Variants in CHCHD6 observed in about 807,000 individuals in gnomAD.
CHCHD6 encodes the protein coiled-coil-helix-coiled-coil-helix domain containing 6, also known as MICOS complex subunit MIC25.
CHCHD6 carries 28 observed loss-of-function variants against 32.3 expected under a neutral mutation model. The observed-to-expected ratio is 0.87, with a 90% CI of 0.64 to 1.19. The LOEUF (loss-of-function observed/expected upper bound fraction) is 1.19, where lower values mean the gene tolerates loss of function less well. Among genes scored for constraint, CHCHD6 ranks in the 50% most tolerant of loss-of-function variants. The pLI, the probability that CHCHD6 is intolerant of heterozygous loss-of-function variation, is 0.00. For missense variants in CHCHD6, 333 were observed against 307.0 expected (o/e 1.08, Z -0.63); for synonymous variants, 122 against 117.5 (o/e 1.04, Z -0.25).
chr3:126,886,441 G>A (rs1325188000), intron 5 of CHCHD6, among the ~76,000 whole-genome samples: 1 of 152,178 alleles, frequency 6.6e-6, no homozygotes, highest in Non-Finnish European at 1.5e-5. Context: ...ACTACTGCCG[G>A]TTATCACTCA....
intron 4 of CHCHD6, among the ~76,000 whole-genome samples, chr3:126,787,106 G>C (rs1396766852): frequency 3.9e-5 from 6 of 152,126 alleles, no homozygotes; most frequent in South Asian, 4.2e-4. Flanking sequence ...TCTTGTTTTT[G>C]TCAGGTTTGT....
rs1935762051 is a variant in CHCHD6, at chr3:126,730,771, A to G, written c.266+141A>G. On this transcript the variant is annotated intron_variant, in intron 3 of 7. Coordinates refer to ENST00000290913, the MANE Select transcript of CHCHD6 (RefSeq NM_032343.3). The stretch of plus-strand genomic sequence containing the variant: ...CTCAGTTGCATTGAAGGACAACCCT[A>G]TGGTATAGGTATCACTGGTCCTAGT... 9 of 642,570 alleles carry G rather than the reference A, an allele frequency of 1.4e-5. No individual in the cohort carries two copies. The South Asian group carries it at 1.5e-4, about 11-fold the overall frequency. 39.8% of individuals were successfully genotyped at this position (642,570 alleles called of 1,614,324 possible). A position where few individuals can be genotyped will look rare whatever the true frequency, so the allele number is the denominator to read the frequency against.
chr3:126,763,118 G>T (rs1254990995), intron 4 of CHCHD6, among the ~76,000 whole-genome samples: 1 of 152,080 alleles, frequency 6.6e-6, no homozygotes, highest in Admixed American at 6.6e-5. Context: ...TCTTTTGTAT[G>T]TAGTTGATTT....
intron 6 of CHCHD6, among the ~76,000 whole-genome samples, chr3:126,950,418 G>T (rs2078700108): frequency 6.6e-6 from 1 of 152,150 alleles, no homozygotes. Flanking sequence ...AGACTGCAAT[G>T]AAAATTGTCA....
intron 4 of CHCHD6, among the ~76,000 whole-genome samples, chr3:126,743,503 T>A (rs950824756): frequency 2.0e-5 from 3 of 152,182 alleles, no homozygotes; most frequent in Non-Finnish European, 4.4e-5. Context: ...TGTCACTGCT[T>A]CTAATTAGCA....
intron 4 of CHCHD6, among the ~76,000 whole-genome samples, chr3:126,779,059 A>C (rs1375604977): frequency 6.6e-6 from 1 of 151,958 alleles, no homozygotes; most frequent in Non-Finnish European, 1.5e-5. Flanking sequence ...AAAAGTTTTA[A>C]ATTTTGATGA....
At chr3:126,904,735 CT>C (rs1206276166) in intron 5 of CHCHD6, among the ~76,000 whole-genome samples, 1 of 152,200 alleles carries the variant, frequency 6.6e-6, no homozygotes, top group East Asian at 1.9e-4. Context: ...ATAGAGCGAT[CT>C]TTTCTCTGCC....
intron 4 of CHCHD6, among the ~76,000 whole-genome samples, chr3:126,810,051 G>T (rs868719014): frequency 6.6e-6 from 1 of 152,148 alleles, no homozygotes; most frequent in Non-Finnish European, 1.5e-5. Context: ...CTCATATACA[G>T]AGAGTTTAAG....
chr3:126,763,936 A>T (rs115204560), intron 4 of CHCHD6, among the ~76,000 whole-genome samples: 2 of 152,150 alleles, frequency 1.3e-5, no homozygotes, highest in Non-Finnish European at 2.9e-5. Flanking sequence ...CTGAAATTGT[A>T]TGCTTTACAA....
intron 5 of CHCHD6, among the ~76,000 whole-genome samples, chr3:126,864,899 C>A (rs770880005): frequency 2.0e-4 from 26 of 130,800 alleles, no homozygotes; most frequent in African/African-American, 8.2e-4. Flanking sequence ...ACCATCACCT[C>A]CTCCTCCACC....
At chr3:126,717,247 T>C in intron 1 of CHCHD6, among the ~76,000 whole-genome samples, 1 of 152,170 alleles carries the variant, frequency 6.6e-6, no homozygotes. Flanking sequence ...TGAAGGTTAA[T>C]CAGTAGGTAG....
At chr3:126,826,251 A>G (rs768484935) in intron 4 of CHCHD6, among the ~76,000 whole-genome samples, 2 of 152,154 alleles carry the variant, frequency 1.3e-5, no homozygotes, top group Non-Finnish European at 2.9e-5. Flanking sequence ...GGCTGATGTG[A>G]TGGGTGGAAA....
chr3:126,911,511 C>G (rs899406125), intron 5 of CHCHD6, among the ~76,000 whole-genome samples: 45 of 152,198 alleles, frequency 3.0e-4, no homozygotes, highest in African/African-American at 1.0e-3. Flanking sequence ...TGAGGACATC[C>G]GTCCCTGTAG....
At chr3:126,911,674 G>C (rs563947684) in intron 5 of CHCHD6, among the ~76,000 whole-genome samples, 1 of 152,224 alleles carries the variant, frequency 6.6e-6, no homozygotes, top group South Asian at 2.1e-4. Context: ...GTGACAAATC[G>C]AGTTGACCAC....
At chr3:126,780,849 C>T (rs377357323) in intron 4 of CHCHD6, among the ~76,000 whole-genome samples, 10 of 152,296 alleles carry the variant, frequency 6.6e-5, no homozygotes, top group African/African-American at 2.4e-4. Flanking sequence ...TGCAGGCAGA[C>T]GAATGCTGAT....
chr3:126,822,263 T>G (rs539382403), intron 4 of CHCHD6, among the ~76,000 whole-genome samples: 2 of 152,342 alleles, frequency 1.3e-5, no homozygotes, highest in African/African-American at 4.8e-5. Context: ...GGGGTCTAGT[T>G]TATTTCATTT....
intron 5 of CHCHD6, among the ~76,000 whole-genome samples, chr3:126,875,742 T>C (rs2077531985): frequency 6.6e-6 from 1 of 152,224 alleles, no homozygotes; most frequent in African/African-American, 2.4e-5. Context: ...TCGCAGTTTA[T>C]GCAGTGTGTT....
intron 5 of CHCHD6, among the ~76,000 whole-genome samples, chr3:126,879,231 G>T (rs571738255): frequency 6.6e-6 from 1 of 152,300 alleles, no homozygotes; most frequent in Non-Finnish European, 1.5e-5. Flanking sequence ...TCCAGGGAGA[G>T]AATACAGACC....
chr3:126,883,066 A>G (rs1422756742), intron 5 of CHCHD6, among the ~76,000 whole-genome samples: 1 of 152,352 alleles, frequency 6.6e-6, no homozygotes, highest in East Asian at 1.9e-4. Context: ...TGAAGCCTCT[A>G]TAAAAACCCA....
Sources: gnomAD v4.1 joint callset for allele counts (sites outside exome capture counted in the v4.1 genomes callset) on GRCh38, gnomAD v4.1.1 for gene constraint, MANE v1.5 for transcripts, NCBI Gene and HGNC (gene_info 2026-07-23, HGNC 2026-07-21) for gene names.